Variants in DGKB observed in about 807,000 individuals in gnomAD.
DGKB encodes the protein diacylglycerol kinase beta.
In DGKB, 67 loss-of-function variants were observed where a neutral mutation model predicts 114.3. The observed-to-expected ratio is 0.59, with a 90% CI of 0.48 to 0.72. The LOEUF is 0.72. DGKB is among the 30% of genes least tolerant of loss of function. DGKB has a pLI of 0.00. For missense variants in DGKB, 907 were observed against 975.2 expected (o/e 0.93, Z 0.93); for synonymous variants, 398 against 323.1 (o/e 1.23, Z -2.49).
intron 23 of DGKB, among the ~76,000 whole-genome samples, chr7:14,225,221 C>T (rs12112762): frequency 0.025 from 3,870 of 152,150 alleles, 154 homozygotes; most frequent in African/African-American, 0.085. Flanking sequence ...TTCTTCCCTT[C>T]GCAAAACCTC....
chr7:14,207,326 G>T (rs1786996234), intron 23 of DGKB, among the ~76,000 whole-genome samples: 1 of 152,060 alleles, frequency 6.6e-6, no homozygotes. Flanking sequence ...TTGCCAGTCG[G>T]GTGCATTGGT....
At chr7:14,903,539 A>G (rs56751608), upstream of DGKB, among the ~76,000 whole-genome samples, 54,587 of 151,914 alleles carry the variant, frequency 0.36, 11,769 homozygotes, top group East Asian at 0.84. Flanking sequence ...CCCTTCTACA[A>G]CTGTAGTCCT....
chr7:14,761,998 G>C (rs1306671877), intron 2 of DGKB, among the ~76,000 whole-genome samples: 2 of 152,098 alleles, frequency 1.3e-5, no homozygotes, highest in Non-Finnish European at 2.9e-5. Context: ...TCCTATGCTT[G>C]GCTTGACTGG....
At chr7:14,219,417 A>C (rs1323184312) in intron 23 of DGKB, among the ~76,000 whole-genome samples, 1 of 151,830 alleles carries the variant, frequency 6.6e-6, no homozygotes, top group Non-Finnish European at 1.5e-5. Flanking sequence ...ATTTCTCCAC[A>C]TTCTTGGCAA....
intron 25 of DGKB, among the ~76,000 whole-genome samples, chr7:14,175,372 C>G (rs2128241935): frequency 6.6e-6 from 1 of 152,324 alleles, no homozygotes; most frequent in Middle Eastern, 3.4e-3. Flanking sequence ...TTTAACTACT[C>G]AGTAAATCAC....
intron 17 of DGKB, among the ~76,000 whole-genome samples, chr7:14,584,752 G>T (rs1294662980): frequency 6.6e-6 from 1 of 151,650 alleles, no homozygotes; most frequent in Non-Finnish European, 1.5e-5. Context: ...TCCTCCTCCT[G>T]GGTTCAAGGG....
At chr7:14,818,706 A>G (rs371431808) in intron 2 of DGKB, among the ~76,000 whole-genome samples, 14 of 152,244 alleles carry the variant, frequency 9.2e-5, no homozygotes, top group Non-Finnish European at 1.6e-4. Context: ...TCTAAATTCA[A>G]CTTTTAGTTG....
intron 4 of DGKB, among the ~76,000 whole-genome samples, chr7:14,742,955 T>G (rs1832775247): frequency 3.3e-5 from 5 of 152,196 alleles, no homozygotes; most frequent in Admixed American, 3.3e-4. Context: ...AATTTAATAT[T>G]GCAAAAGAAA....
At chr7:14,930,881 T>C (rs551951303) in intron 1 of DGKB, among the ~76,000 whole-genome samples, 7 of 152,136 alleles carry the variant, frequency 4.6e-5, no homozygotes, top group Admixed American at 2.0e-4. Context: ...GGATGTTTCT[T>C]CTATGTCTGG....
At chr7:14,392,995 G>GTTTTTGTTTTTTGTTTTTTTTTT in intron 21 of DGKB, among the ~76,000 whole-genome samples, 5 of 60,548 alleles carry the variant, frequency 8.3e-5, no homozygotes, top group Admixed American at 4.6e-4. Context: ...TTTTGTTTTT[G>GTTTTTGTTTTTTGTTTTTTTTTT]TTTTTTTTTT....
chr7:14,234,312 A>G (rs1792414836), intron 23 of DGKB, among the ~76,000 whole-genome samples: 1 of 152,136 alleles, frequency 6.6e-6, no homozygotes, highest in South Asian at 2.1e-4. Flanking sequence ...AAAAATTCAT[A>G]CACTCTTCTC....
chr7:14,503,476 CTCA>C (rs1786526448), intron 20 of DGKB, among the ~76,000 whole-genome samples: 1 of 152,024 alleles, frequency 6.6e-6, no homozygotes, highest in Non-Finnish European at 1.5e-5. Context: ...TATATTTTGA[CTCA>C]TCTTTACTTA....
At chr7:14,803,889 T>C (rs1842480517) in intron 2 of DGKB, among the ~76,000 whole-genome samples, 1 of 152,128 alleles carries the variant, frequency 6.6e-6, no homozygotes, top group African/African-American at 2.4e-5. Flanking sequence ...ATTACTGTTC[T>C]AAAAGATACT....
chr7:14,381,840 A>T, intron 21 of DGKB, among the ~76,000 whole-genome samples: 1 of 151,714 alleles, frequency 6.6e-6, no homozygotes, highest in East Asian at 1.9e-4. Flanking sequence ...TATTGGTCCC[A>T]GAGGAATAGT....
At chr7:14,749,461 A>AT (rs1363389833) in intron 4 of DGKB, among the ~76,000 whole-genome samples, 1 of 152,200 alleles carries the variant, frequency 6.6e-6, no homozygotes, top group African/African-American at 2.4e-5. Flanking sequence ...TAGAAAGACA[A>AT]TTAGAAATAT....
chr7:14,717,777 G>T (rs1585933338), intron 6 of DGKB, among the ~76,000 whole-genome samples: 1 of 151,962 alleles, frequency 6.6e-6, no homozygotes, highest in Non-Finnish European at 1.5e-5. Context: ...AATTTATCAG[G>T]TTATTGAGTA....
chr7:14,730,390 T>C lies in DGKB; in HGVS notation c.322+5651A>G, dbSNP rs146192561. Among the ~76,000 whole-genome samples the C allele has an allele frequency of 4.2e-3, 646 of 152,282 alleles. 3 individuals are homozygous for C. Among genetic ancestry groups the C allele is most frequent in the African/African-American group, 0.013 (537 of 41,552 alleles). Reference sequence around the variant, plus strand: ...CCAGTTGCACACTCCAGGTGTGCCATCTTATTAATCATTGAATTCCTAGTA... The same window carrying C: ...CCAGTTGCACACTCCAGGTGTGCCACCTTATTAATCATTGAATTCCTAGTA... On this transcript the variant is annotated intron_variant, in intron 5 of 25. Transcript: ENST00000402815.
At chr7:14,513,720 G>A (rs1169964673) in intron 20 of DGKB, among the ~76,000 whole-genome samples, 3 of 151,782 alleles carry the variant, frequency 2.0e-5, no homozygotes, top group Non-Finnish European at 4.4e-5. Flanking sequence ...TTATATGTAG[G>A]AACTATATGT....
At chr7:14,780,230 G>T (rs1163289572) in intron 2 of DGKB, among the ~76,000 whole-genome samples, 1 of 152,164 alleles carries the variant, frequency 6.6e-6, no homozygotes, top group Non-Finnish European at 1.5e-5. Context: ...GTGATGGAGA[G>T]CCACCCACAG....
Sources: allele counts gnomAD v4.1 joint callset (sites outside exome capture counted in the v4.1 genomes callset), GRCh38; gene constraint gnomAD v4.1.1; transcripts MANE v1.5; gene names NCBI Gene and HGNC (gene_info 2026-07-23, HGNC 2026-07-21).